The following SYNPO2 variants were observed in gnomAD, a reference collection of about 807,000 sequenced individuals.
The protein encoded by SYNPO2 is synaptopodin-2.
Under a neutral mutation model 85.0 loss-of-function variants are expected in SYNPO2, and 56 were observed. The observed-to-expected ratio is 0.66, with a 90% CI of 0.53 to 0.82. The LOEUF (loss-of-function observed/expected upper bound fraction) is 0.82. Ranked by LOEUF, SYNPO2 falls within the 40% of genes least tolerant of loss-of-function variation. SYNPO2 has a pLI of 0.00. For missense variants in SYNPO2, 1,575 were observed against 1,534.2 expected, an observed-to-expected ratio of 1.03 and a Z score of -0.44; for synonymous variants, 602 against 591.1, an observed-to-expected ratio of 1.02 and a Z score of -0.27.
rs576037743 is a variant in SYNPO2, at chr4:118,999,367, G to T, written c.106-24063G>T. On this transcript the variant is annotated intron_variant, in intron 1 of 4. Coordinates refer to ENST00000307142, the MANE Select transcript of SYNPO2 (RefSeq NM_133477.3). ...GGGTTTCATCATGTTGTCCAGGCTG[G>T]TCTCAAGCTCCTGGGTTCAAACGAT... 2.0e-5 allele frequency among the ~76,000 whole-genome samples: 3 copies of T among 152,088 alleles called. No individual in the cohort carries two copies. In the East Asian group the frequency reaches 5.8e-4, roughly 29 times the overall value.
intron 4 of SYNPO2, chr4:119,036,986 G>C: frequency 7.6e-7 from 1 of 1,307,446 alleles, no homozygotes. Context: ...TAATTTTTTT[G>C]TTATTAATAT....
At chr4:119,001,926 A>T (rs770766839) in intron 1 of SYNPO2, among the ~76,000 whole-genome samples, 2 of 152,100 alleles carry the variant, frequency 1.3e-5, no homozygotes, top group African/African-American at 4.8e-5. Context: ...AAAATTATTC[A>T]TTGTTATGTC....
chr4:119,032,400 A>T, intron 4 of SYNPO2: 1 of 1,158,356 alleles, frequency 8.6e-7, no homozygotes, highest in Non-Finnish European at 1.1e-6. Context: ...TTTATGTAAC[A>T]TAACAGCTGT....
At chr4:119,056,744 CAGGAAATAAAAAT>C (rs1739217673) in intron 4 of SYNPO2, among the ~76,000 whole-genome samples, 1 of 152,062 alleles carries the variant, frequency 6.6e-6, no homozygotes, top group Admixed American at 6.6e-5. Context: ...ACACTCCACT[CAGGAAATAAAAAT>C]CCATGTGATC....
In SYNPO2 at chr4:118,900,691, CTCTCTCTCTCTCTATATATATATATA is replaced by C. The variant is rs1385612344; in HGVS notation, c.105+11552_105+11577del. ...TCTCTCTCTCTCTCTCTCTCTCTCT[CTCTCTCTCTCTCTATATATATATATA>C]TATATATATATATATGTCTGTCTGT... is the stretch of plus-strand genomic sequence containing the variant. On this transcript the variant is annotated intron_variant, in intron 1 of 4. Transcript: ENST00000307142. Among the ~76,000 whole-genome samples, 80 of 51,504 alleles carry C rather than the reference CTCTCTCTCTCTCTATATATATATATA, an allele frequency of 1.6e-3. 1 individual carries two copies. Among genetic ancestry groups the C allele is most frequent in the Non-Finnish European group, 2.8e-3 (65 of 22,904 alleles). The allele number at this position is 51,504 out of a possible 152,430, so 33.8% of individuals were successfully genotyped here.
intron 1 of SYNPO2, among the ~76,000 whole-genome samples, chr4:118,919,217 C>T (rs1468169135): frequency 1.3e-5 from 2 of 151,860 alleles, no homozygotes; most frequent in African/African-American, 4.8e-5. Context: ...TGACAGGAAG[C>T]GCTAGTCGAT....
chr4:119,049,326 C>G (rs552025128), intron 4 of SYNPO2, among the ~76,000 whole-genome samples: 2 of 152,268 alleles, frequency 1.3e-5, no homozygotes, highest in South Asian at 4.2e-4. Context: ...TTTTCTTGGA[C>G]CTCCCAGAAT....
intron 1 of SYNPO2, among the ~76,000 whole-genome samples, chr4:118,943,203 A>G (rs764472055): frequency 1.8e-4 from 27 of 152,216 alleles, no homozygotes; most frequent in Non-Finnish European, 3.7e-4. Flanking sequence ...CACACAACCA[A>G]CCATGTCCCC....
chr4:118,880,000 C>T (rs759678806), intron 1 of SYNPO2, among the ~76,000 whole-genome samples: 15 of 152,158 alleles, frequency 9.9e-5, no homozygotes, highest in Non-Finnish European at 1.5e-4. Context: ...TTTCTCTCAA[C>T]GGTGCTCCCC....
chr4:118,888,981 A>G lies in SYNPO2; in HGVS notation c.-56A>G. The stretch of plus-strand genomic sequence containing the variant: ...AAGCTGAGTGCGCATCCTCTACCGC[A>G]CCCAAGCTTCGTCTGTCTCGTCAAG... On this transcript the variant is annotated 5_prime_UTR_variant, in exon 1 of 5. Transcript: ENST00000307142. The G allele has an allele frequency of 6.4e-7, 1 of 1,570,312 alleles. No individual in the cohort carries two copies. Among genetic ancestry groups the G allele is most frequent in the South Asian group, 1.1e-5 (1 of 89,862 alleles).
At chr4:119,000,751 G>A (rs926262833) in intron 1 of SYNPO2, among the ~76,000 whole-genome samples, 1 of 152,208 alleles carries the variant, frequency 6.6e-6, no homozygotes, top group Non-Finnish European at 1.5e-5. Flanking sequence ...AAGAAGCAAA[G>A]ATTAACAAGT....
chr4:118,901,118 C>CA (rs911728063), intron 1 of SYNPO2, among the ~76,000 whole-genome samples: 5 of 151,912 alleles, frequency 3.3e-5, no homozygotes, highest in African/African-American at 1.2e-4. Context: ...ACAGTACTTG[C>CA]AAAAAAATAC....
intron 1 of SYNPO2, among the ~76,000 whole-genome samples, chr4:118,900,705 A>C (rs7654848): frequency 0.12 from 4,886 of 41,704 alleles, 99 homozygotes; most frequent in South Asian, 0.15. Context: ...CTCTCTCTCT[A>C]TATATATATA....
At chr4:119,014,783 G>A (rs973322379) in intron 1 of SYNPO2, among the ~76,000 whole-genome samples, 1 of 152,144 alleles carries the variant, frequency 6.6e-6, no homozygotes, top group African/African-American at 2.4e-5. Context: ...ATTTAAACCA[G>A]CTCTTCCCCG....
At chr4:118,918,567 T>C (rs1377771074) in intron 1 of SYNPO2, among the ~76,000 whole-genome samples, 1 of 152,210 alleles carries the variant, frequency 6.6e-6, no homozygotes, top group Non-Finnish European at 1.5e-5. Flanking sequence ...AGTTCTCCTC[T>C]GACTCATTTG....
At chr4:119,000,729 G>T (rs1426069391) in intron 1 of SYNPO2, among the ~76,000 whole-genome samples, 1 of 152,190 alleles carries the variant, frequency 6.6e-6, no homozygotes, top group Non-Finnish European at 1.5e-5. Context: ...AAGGGAGGTG[G>T]ACAGGAGAGA....
intron 1 of SYNPO2, among the ~76,000 whole-genome samples, chr4:118,969,288 T>C (rs1372095807): frequency 2.0e-5 from 3 of 152,220 alleles, no homozygotes; most frequent in African/African-American, 4.8e-5. Flanking sequence ...AAATGCTACA[T>C]AGAAATTACA....
At chr4:118,900,689 CTCTCTCTCTCTCTCTATATATA>C (rs1209330352) in intron 1 of SYNPO2, among the ~76,000 whole-genome samples, 97 of 54,044 alleles carry the variant, frequency 1.8e-3, no homozygotes, top group African/African-American at 2.7e-3. Flanking sequence ...CTCTCTCTCT[CTCTCTCTCTCTCTCTATATATA>C]TATATATATA....
intron 1 of SYNPO2, among the ~76,000 whole-genome samples, chr4:119,017,925 G>T (rs1301652484): frequency 6.6e-6 from 1 of 152,136 alleles, no homozygotes; most frequent in Non-Finnish European, 1.5e-5. Flanking sequence ...TCTGAGACCT[G>T]CTTTCTAGTC....
Sources: gnomAD v4.1 joint callset for allele counts (sites outside exome capture counted in the v4.1 genomes callset) on GRCh38, gnomAD v4.1.1 for gene constraint, MANE v1.5 for transcripts, NCBI Gene and HGNC (gene_info 2026-07-23, HGNC 2026-07-21) for gene names.